Variants in OSBPL10 observed in about 807,000 individuals in gnomAD.
OSBPL10 encodes oxysterol-binding protein-related protein 10.
A neutral mutation model predicts 81.7 loss-of-function variants in OSBPL10; 49 were observed. That is an observed-to-expected ratio of 0.60 (90% confidence interval 0.48 to 0.76). OSBPL10 has a LOEUF of 0.76. OSBPL10 is among the 30% of genes least tolerant of loss of function. OSBPL10 has a pLI of 0.00. For synonymous variants in OSBPL10, 419 were observed against 383.6 expected, an observed-to-expected ratio of 1.09 and a Z score of -1.08; for missense variants, 923 against 987.8, an observed-to-expected ratio of 0.93 and a Z score of 0.88.
intron 1 of OSBPL10, among the ~76,000 whole-genome samples, chr3:31,945,930 C>T (rs145819425): frequency 1.2e-4 from 19 of 152,218 alleles, no homozygotes; most frequent in Non-Finnish European, 2.6e-4. Context: ...ATTCAGAGAA[C>T]CTCTTGCCAT....
intron 3 of OSBPL10, among the ~76,000 whole-genome samples, chr3:31,835,448 A>T (rs1412654599): frequency 6.6e-6 from 1 of 152,196 alleles, no homozygotes; most frequent in Non-Finnish European, 1.5e-5. Context: ...AAAGGAGGCA[A>T]GGGAGGGAAG....
intron 5 of OSBPL10, among the ~76,000 whole-genome samples, chr3:31,742,063 A>G (rs776111576): frequency 6.6e-6 from 1 of 152,232 alleles, no homozygotes; most frequent in Non-Finnish European, 1.5e-5. Flanking sequence ...TTACTGAAAT[A>G]TCACATTTCT....
At chr3:32,072,699 G>C (rs1481031475) in intron 1 of OSBPL10, among the ~76,000 whole-genome samples, 1 of 152,040 alleles carries the variant, frequency 6.6e-6, no homozygotes, top group African/African-American at 2.4e-5. Flanking sequence ...TACACATCAA[G>C]CTCGGGGATT....
chr3:31,688,301 A>T (rs1700850203), intron 7 of OSBPL10, among the ~76,000 whole-genome samples: 1 of 150,604 alleles, frequency 6.6e-6, no homozygotes, highest in Non-Finnish European at 1.5e-5. Flanking sequence ...ACACACACAC[A>T]CACACACACA....
At chr3:31,748,876 T>G (rs1697624393) in intron 4 of OSBPL10, among the ~76,000 whole-genome samples, 1 of 152,094 alleles carries the variant, frequency 6.6e-6, no homozygotes, top group Non-Finnish European at 1.5e-5. Context: ...GAACACAAGA[T>G]CTAGAAAAGG....
rs369799317 is a variant in OSBPL10 at position 31,748,073 on chromosome 3, A to G, written c.777T>C (p.Ile259=). The G allele has an allele frequency of 4.3e-6, 7 of 1,614,002 alleles. No individual in the cohort carries two copies. The highest frequency in any genetic ancestry group is 5.9e-6 in the Non-Finnish European group (7 of 1,180,022). ...GGGGGCCGGACCCTGGCAGGGACTC[A>G]ATGGCGTGCACAAGGTTCTTCTGCT... ...EGQQKNLVHA[I]ESLPGSGPLT... is the part of the protein sequence containing the mutation. The change falls in exon 5 of 12, where the codon ATT becomes ATC. Residue 259 remains isoleucine, a synonymous_variant. Coordinates refer to ENST00000396556, the MANE Select transcript of OSBPL10 (RefSeq NM_017784.5).
chr3:32,066,738 G>T (rs896563896), intron 1 of OSBPL10: 15 of 152,294 alleles, frequency 9.8e-5, no homozygotes, highest in African/African-American at 3.4e-4. Context: ...CAGTTGTATT[G>T]TTATCTTTAT....
intron 3 of OSBPL10, among the ~76,000 whole-genome samples, chr3:31,856,357 A>G (rs1459149707): frequency 1.3e-5 from 2 of 152,186 alleles, no homozygotes; most frequent in Non-Finnish European, 2.9e-5. Context: ...GATGTTTTAC[A>G]CTTAGTTTTA....
At chr3:31,912,676 C>A (rs186121026) in intron 1 of OSBPL10, among the ~76,000 whole-genome samples, 3 of 152,110 alleles carry the variant, frequency 2.0e-5, no homozygotes, top group Admixed American at 2.0e-4. Context: ...GACTACAATG[C>A]GCCTTCACTA....
intron 2 of OSBPL10, among the ~76,000 whole-genome samples, chr3:32,015,985 T>G (rs531628089): frequency 3.3e-5 from 5 of 152,328 alleles, no homozygotes; most frequent in South Asian, 2.1e-4. Flanking sequence ...GGAACACTTT[T>G]ACACTGTTGG....
chr3:31,917,035 T>G (rs58440954), intron 1 of OSBPL10, among the ~76,000 whole-genome samples: 45,399 of 152,036 alleles, frequency 0.3, 7,584 homozygotes, highest in African/African-American at 0.43. Context: ...TGTGAGGCTG[T>G]GCCTCCTTGC....
intron 1 of OSBPL10, among the ~76,000 whole-genome samples, chr3:31,925,219 C>T (rs540465843): frequency 6.6e-6 from 1 of 152,284 alleles, no homozygotes; most frequent in African/African-American, 2.4e-5. Context: ...CTCTTCCTAA[C>T]ACACTCCCTT....
intron 4 of OSBPL10, among the ~76,000 whole-genome samples, chr3:31,790,414 AGAAGAAATGTGTCCTCAATCATCCTCT>A (rs1459329666): frequency 6.7e-6 from 1 of 149,460 alleles, no homozygotes; most frequent in East Asian, 1.9e-4. Context: ...TATGCGCTCA[AGAAGAAATGTGTCCTCAATCATCCTCT>A]GAATAATTAA....
At chr3:31,874,716 A>G (rs1421090447) in intron 3 of OSBPL10, among the ~76,000 whole-genome samples, 1 of 152,204 alleles carries the variant, frequency 6.6e-6, no homozygotes, top group Non-Finnish European at 1.5e-5. Flanking sequence ...AACGCCCGTT[A>G]ATGAGAGGGG....
chr3:31,856,634 G>A (rs1362243805), intron 3 of OSBPL10, among the ~76,000 whole-genome samples: 1 of 152,178 alleles, frequency 6.6e-6, no homozygotes, highest in Non-Finnish European at 1.5e-5. Context: ...TATACCTTCA[G>A]TCTCAACAGG....
intron 1 of OSBPL10, among the ~76,000 whole-genome samples, chr3:31,958,331 A>G (rs1698066016): frequency 6.6e-6 from 1 of 152,230 alleles, no homozygotes; most frequent in African/African-American, 2.4e-5. Flanking sequence ...AGTACACCTC[A>G]CAAATTAGTC....
At chr3:31,871,216 G>T (rs1575592508) in intron 3 of OSBPL10, among the ~76,000 whole-genome samples, 1 of 152,150 alleles carries the variant, frequency 6.6e-6, no homozygotes, top group Non-Finnish European at 1.5e-5. Context: ...TTTATGAGCT[G>T]TAACACTCAC....
chr3:32,066,443 C>T (rs973184440), intron 1 of OSBPL10: 7 of 152,200 alleles, frequency 4.6e-5, no homozygotes, highest in Non-Finnish European at 7.3e-5. Flanking sequence ...GTCCCTATAC[C>T]GATCACCATG....
At chr3:31,662,164 G>A in intron 11 of OSBPL10, 48 bp from the exon 12 acceptor site, 2 of 1,612,542 alleles carry the variant, frequency 1.2e-6, no homozygotes, top group South Asian at 1.1e-5. Context: ...CTCTCAACAG[G>A]GAAAAGGGGA....
Sources: gnomAD v4.1 joint callset for allele counts (sites outside exome capture counted in the v4.1 genomes callset) on GRCh38, gnomAD v4.1.1 for gene constraint, MANE v1.5 for transcripts, NCBI Gene and HGNC (gene_info 2026-07-23, HGNC 2026-07-21) for gene names.